The following IL18R1 variants were observed in gnomAD, a reference collection of about 807,000 sequenced individuals.
The protein encoded by IL18R1 is interleukin 18 receptor 1.
A neutral mutation model predicts 48.5 loss-of-function variants in IL18R1; 40 were observed. That is an observed-to-expected ratio of 0.82 (90% CI 0.64 to 1.07). The LOEUF is 1.07. IL18R1 is among the 50% of genes least tolerant of loss of function. The pLI is 0.00. For missense variants in IL18R1, 596 were observed against 633.7 expected (o/e 0.94, Z 0.64); for synonymous variants, 232 against 225.9 (o/e 1.03, Z -0.24).
chr2:102,368,125 C>T, intron 3 of IL18R1, 57 bp downstream of exon 3: 3 of 1,589,956 alleles, frequency 1.9e-6, no homozygotes, highest in East Asian at 2.2e-5. Flanking sequence ...CTTTGTTCAG[C>T]AACTCAAATA....
At chr2:102,371,482 G>T (rs897673736) in intron 3 of IL18R1, among the ~76,000 whole-genome samples, 1 of 152,174 alleles carries the variant, frequency 6.6e-6, no homozygotes, top group Non-Finnish European at 1.5e-5. Context: ...AAAAGAAGGG[G>T]ATTGGAAGAA....
At chr2:102,378,540 C>T (rs1220687410) in intron 5 of IL18R1, among the ~76,000 whole-genome samples, 2 of 152,242 alleles carry the variant, frequency 1.3e-5, no homozygotes, top group Non-Finnish European at 2.9e-5. Context: ...CTGAGTCTCT[C>T]AGGACTCCAC....
intron 3 of IL18R1, among the ~76,000 whole-genome samples, chr2:102,371,066 G>GTTT (rs1182359974): frequency 0.059 from 8,865 of 151,328 alleles, 405 homozygotes; most frequent in Non-Finnish European, 0.083. Context: ...TGTTGTTGTT[G>GTTT]TTTTTTTGAG....
intron 7 of IL18R1, 28 bp downstream of exon 7, chr2:102,385,026 A>G (rs1249676096): frequency 1.7e-6 from 2 of 1,201,682 alleles, no homozygotes; most frequent in African/African-American, 3.0e-5. Flanking sequence ...ATATGTCATG[A>G]TATATACCAT....
intron 3 of IL18R1, among the ~76,000 whole-genome samples, chr2:102,371,687 A>G (rs536201789): frequency 2.0e-5 from 3 of 152,120 alleles, no homozygotes; most frequent in Non-Finnish European, 4.4e-5. Flanking sequence ...CTGCAGTAGG[A>G]TATGTGCGTG....
At chr2:102,357,682 A>G (rs1678331503) in intron 1 of IL18R1, among the ~76,000 whole-genome samples, 1 of 151,938 alleles carries the variant, frequency 6.6e-6, no homozygotes, top group African/African-American at 2.4e-5. Flanking sequence ...AGCCAAGTTG[A>G]AAGGACTCTA....
rs575943702 is a variant in IL18R1, at chr2:102,367,871, T to A, written c.105T>A (p.Pro35=). Residue 35 remains proline, a synonymous_variant, in exon 3 of 11, where the codon CCT becomes CCA. Coordinates refer to ENST00000233957, the MANE Select transcript of IL18R1 (RefSeq NM_003855.5). ...RPHITVVEGE[P]FYLKHCSCSL... ...ACATTACTGTGGTTGAAGGGGAACC[T>A]TTCTATCTGAAACATTGCTCGTGTT... The A allele has an allele frequency of 6.2e-7, 1 of 1,614,014 alleles. No individual in the cohort carries two copies. Among genetic ancestry groups the A allele is most frequent in the East Asian group, 2.2e-5 (1 of 44,884 alleles).
intron 9 of IL18R1, among the ~76,000 whole-genome samples, chr2:102,390,949 A>AAAAAAAAAAAAG (rs1452152750): frequency 8.6e-5 from 13 of 150,862 alleles, no homozygotes; most frequent in East Asian, 1.9e-4. Flanking sequence ...AAAAAAAAAA[A>AAAAAAAAAAAAG]AGAGAGAGAA....
In IL18R1 at chr2:102,375,932, A is replaced by G. The variant is rs1679551816; in HGVS notation, c.494A>G (p.Asn165Ser). ...YKNCKKLLLE[N>S]NKNPTIKKNA... ...AACTGTAAAAAGCTACTACTGGAGA[A>G]CAATAAAAACCCAACGATAAAGAAG... The change falls in exon 5 of 11, where the codon AAC becomes AGC. Residue 165 changes from asparagine to serine, a missense_variant. Coordinates refer to ENST00000233957, the MANE Select transcript of IL18R1 (RefSeq NM_003855.5). The G allele has an allele frequency of 6.3e-7, 1 of 1,593,514 alleles. No homozygotes were observed. The highest frequency in any genetic ancestry group is 1.4e-5 in the African/African-American group (1 of 73,654).
chr2:102,392,601 A>G (rs1228148602), intron 9 of IL18R1, among the ~76,000 whole-genome samples: 2 of 152,200 alleles, frequency 1.3e-5, no homozygotes, highest in Non-Finnish European at 1.5e-5. Flanking sequence ...AAAAACTTTT[A>G]TCACAATTTA....
chr2:102,390,934 C>CAA lies in IL18R1; in HGVS notation c.1111+732_1111+733dup, dbSNP rs57709990. On this transcript the variant is annotated intron_variant, in intron 9 of 10. Transcript: ENST00000233957. The stretch of plus-strand genomic sequence containing the variant: ...TGGGCGACAAAGCAAGACTCCGTCT[C>CAA]AAAAAAAAAAAAAAAAGAGAGAGAA... Among the ~76,000 whole-genome samples the CAA allele has an allele frequency of 7.5e-5, 6 of 80,242 alleles. 2 individuals are homozygous for CAA. Among genetic ancestry groups the CAA allele is most frequent in the Admixed American group, 2.6e-4 (2 of 7,600 alleles). The allele number at this position is 80,242 out of a possible 152,430, so 52.6% of individuals were successfully genotyped here. A position where few individuals can be genotyped will look rare whatever the true frequency, so the allele number is the denominator to read the frequency against.
intron 1 of IL18R1, among the ~76,000 whole-genome samples, chr2:102,357,648 G>A (rs544880238): frequency 3.9e-5 from 6 of 152,314 alleles, no homozygotes; most frequent in African/African-American, 1.4e-4. Flanking sequence ...CAGTTGGAGA[G>A]CTTCCTTGAG....
At position 102,372,818 on chromosome 2, in the gene IL18R1, T is replaced by C. The variant is rs1679347104; in HGVS notation, c.468+700T>C. Among the ~76,000 whole-genome samples the C allele has an allele frequency of 3.3e-5, 5 of 152,336 alleles. No homozygotes were observed. In the South Asian group the frequency reaches 1.0e-3, roughly 32 times the overall value. On this transcript the variant is annotated intron_variant, in intron 4 of 10. Coordinates refer to ENST00000233957, the MANE Select transcript of IL18R1 (RefSeq NM_003855.5). ...TGGACATTTGTGAATTGCCTATTTTTCACTATTATTTAAAGGCTAAAATGA... is the reference window on the plus strand; with the variant it reads ...TGGACATTTGTGAATTGCCTATTTTCCACTATTATTTAAAGGCTAAAATGA...
chr2:102,385,134 T>C (rs1680156604), intron 7 of IL18R1, 136 bp downstream of exon 7: 1 of 471,264 alleles, frequency 2.1e-6, no homozygotes, highest in Non-Finnish European at 3.6e-6. Flanking sequence ...AATGGACATA[T>C]TTTATAATTA....
chr2:102,359,023 G>A (rs1003314717), intron 1 of IL18R1, among the ~76,000 whole-genome samples: 4 of 151,986 alleles, frequency 2.6e-5, no homozygotes, highest in African/African-American at 7.2e-5. Context: ...GTGTGAGCAT[G>A]TGTGTGTGTG....
intron 3 of IL18R1, among the ~76,000 whole-genome samples, chr2:102,369,194 C>T (rs900805540): frequency 4.7e-5 from 7 of 149,308 alleles, no homozygotes; most frequent in Admixed American, 3.3e-4. Context: ...CCGCCCCCCC[C>T]ACCACAAACT....
At chr2:102,384,211 G>T (rs1680087599) in intron 6 of IL18R1, among the ~76,000 whole-genome samples, 1 of 152,202 alleles carries the variant, frequency 6.6e-6, no homozygotes, top group Non-Finnish European at 1.5e-5. Flanking sequence ...TGTGTTTGAT[G>T]CAGGCCTCTT....
intron 1 of IL18R1, among the ~76,000 whole-genome samples, chr2:102,359,092 G>A (rs1421184744): frequency 6.6e-6 from 1 of 152,156 alleles, no homozygotes; most frequent in Non-Finnish European, 1.5e-5. Flanking sequence ...TAGACTTGCA[G>A]TAGAGTGCTC....
chr2:102,387,864 A>C (rs1680329445), intron 8 of IL18R1, among the ~76,000 whole-genome samples: 1 of 152,116 alleles, frequency 6.6e-6, no homozygotes, highest in South Asian at 2.1e-4. Context: ...TAGAGAGATG[A>C]AGACAGAAAG....
Sources: allele counts gnomAD v4.1 joint callset (sites outside exome capture counted in the v4.1 genomes callset), GRCh38; gene constraint gnomAD v4.1.1; transcripts MANE v1.5; gene names NCBI Gene and HGNC (gene_info 2026-07-23, HGNC 2026-07-21).